Variants in PDE4D observed in about 807,000 individuals in gnomAD.
PDE4D encodes 3',5'-cyclic-AMP phosphodiesterase 4D.
Under a neutral mutation model 87.4 loss-of-function variants are expected in PDE4D, and 24 were observed. The observed-to-expected ratio is 0.27, with a 90% CI of 0.20 to 0.39. The LOEUF (loss-of-function observed/expected upper bound fraction) is 0.39. Among genes scored for constraint, PDE4D ranks in the 10% least tolerant of loss-of-function variants. The pLI, the probability that PDE4D is intolerant of heterozygous loss-of-function variation, is 1.00. For synonymous variants in PDE4D, 384 were observed against 383.2 expected, an observed-to-expected ratio of 1.00 and a Z score of -0.02; for missense variants, 714 against 1,041.0, an observed-to-expected ratio of 0.69 and a Z score of 4.32.
At chr5:60,477,451 A>G (rs772064810) in intron 1 of PDE4D, among the ~76,000 whole-genome samples, 1 of 151,932 alleles carries the variant, frequency 6.6e-6, no homozygotes, top group Non-Finnish European at 1.5e-5. Flanking sequence ...TAACCAGGTA[A>G]GTTGAGATTT....
intron 1 of PDE4D, among the ~76,000 whole-genome samples, chr5:59,440,340 C>A (rs572185651): frequency 6.6e-6 from 1 of 152,224 alleles, no homozygotes; most frequent in South Asian, 2.1e-4. Context: ...CAACAGAAAC[C>A]GGTGCTAACA....
intron 2 of PDE4D, among the ~76,000 whole-genome samples, chr5:60,060,359 A>G (rs552872735): frequency 2.9e-4 from 44 of 152,230 alleles, no homozygotes; most frequent in African/African-American, 1.0e-3. Context: ...TTGGTTATAA[A>G]GACACCTTTT....
At chr5:59,642,425 T>G (rs1489935057) in intron 1 of PDE4D, among the ~76,000 whole-genome samples, 3 of 152,234 alleles carry the variant, frequency 2.0e-5, no homozygotes, top group African/African-American at 7.2e-5. Context: ...TCATCTTGAA[T>G]TATACTCCCA....
At chr5:59,017,686 C>T (rs1266879034) in intron 6 of PDE4D, among the ~76,000 whole-genome samples, 1 of 152,112 alleles carries the variant, frequency 6.6e-6, no homozygotes, top group African/African-American at 2.4e-5. Flanking sequence ...TAGAATAGTC[C>T]AATAATTTGG....
At chr5:59,474,811 AAGTTTTATGCAAAAAAGTT>A (rs1803035407) in intron 1 of PDE4D, among the ~76,000 whole-genome samples, 4 of 152,126 alleles carry the variant, frequency 2.6e-5, no homozygotes, top group Admixed American at 2.6e-4. Context: ...AAGTCATAAA[AAGTTTTATGCAAAAAAGTT>A]AATTTTTTGC....
intron 1 of PDE4D, among the ~76,000 whole-genome samples, chr5:59,741,828 T>G (rs1213048346): frequency 6.6e-6 from 1 of 152,168 alleles, no homozygotes; most frequent in Non-Finnish European, 1.5e-5. Context: ...TAACTGTATG[T>G]CATCTAAGTT....
chr5:59,584,008 C>T (rs951919901), intron 1 of PDE4D, among the ~76,000 whole-genome samples: 4 of 152,182 alleles, frequency 2.6e-5, no homozygotes, highest in Non-Finnish European at 5.9e-5. Context: ...AACTTCTGAT[C>T]GGTCCCTTCA....
chr5:59,062,287 C>T (rs934108646), intron 5 of PDE4D, among the ~76,000 whole-genome samples: 5 of 152,018 alleles, frequency 3.3e-5, no homozygotes, highest in African/African-American at 4.8e-5. Flanking sequence ...TTCTCTAAAA[C>T]CAGTATTTAG....
intron 2 of PDE4D, among the ~76,000 whole-genome samples, chr5:60,032,285 A>C (rs1325562060): frequency 1.3e-5 from 2 of 152,188 alleles, no homozygotes; most frequent in African/African-American, 4.8e-5. Context: ...TGGTATGCTC[A>C]TTTAATTTGA....
At chr5:60,389,674 A>T (rs576741555) in intron 1 of PDE4D, among the ~76,000 whole-genome samples, 9 of 152,168 alleles carry the variant, frequency 5.9e-5, no homozygotes, top group Non-Finnish European at 1.2e-4. Context: ...TGACTCTCAC[A>T]CATGGCTGAC....
chr5:59,244,518 T>A (rs1758361815), intron 1 of PDE4D, among the ~76,000 whole-genome samples: 1 of 150,670 alleles, frequency 6.6e-6, no homozygotes, highest in South Asian at 2.1e-4. Flanking sequence ...CAGATGAATA[T>A]CAGGTAGGTC....
intron 2 of PDE4D, among the ~76,000 whole-genome samples, chr5:59,205,653 AACACAC>A (rs35509503): frequency 0.24 from 32,140 of 136,196 alleles, 3,610 homozygotes; most frequent in South Asian, 0.27. Context: ...CCACTAGCTA[AACACAC>A]ACACACACAC....
Position 60,039,826 on chromosome 5 carries a change from A to G in PDE4D, c.43-51109T>C, listed in dbSNP as rs151148525. 4.1e-3 allele frequency among the ~76,000 whole-genome samples: 624 copies of G among 152,234 alleles called. 1 individual carries two copies. Among genetic ancestry groups the G allele is most frequent in the African/African-American group, 0.014 (597 of 41,556 alleles). ...ATAGCCACCATCAGGAAATTCTGCTATTGTGCTAAGGTTCCTTTCTTTCTC... is the reference window on the plus strand; with the variant it reads ...ATAGCCACCATCAGGAAATTCTGCTGTTGTGCTAAGGTTCCTTTCTTTCTC... On this transcript the variant is annotated intron_variant, in intron 2 of 16. Transcript: ENST00000502484.
intron 1 of PDE4D, among the ~76,000 whole-genome samples, chr5:59,574,074 A>C (rs1343307066): frequency 6.2e-5 from 1 of 16,158 alleles, no homozygotes; most frequent in East Asian, 1.6e-3. Flanking sequence ...ATATATATTT[A>C]TATATATATT....
At chr5:59,736,748 A>G (rs541230258) in intron 1 of PDE4D, among the ~76,000 whole-genome samples, 2 of 152,320 alleles carry the variant, frequency 1.3e-5, no homozygotes, top group African/African-American at 4.8e-5. Context: ...AGAAGCAATC[A>G]GTTCCACAGA....
intron 1 of PDE4D, among the ~76,000 whole-genome samples, chr5:60,348,443 C>G (rs138430326): frequency 2.9e-4 from 44 of 150,786 alleles, no homozygotes; most frequent in African/African-American, 1.0e-3. Context: ...TCTGAGAACT[C>G]AAATTTTAAA....
intron 1 of PDE4D, among the ~76,000 whole-genome samples, chr5:60,218,078 T>G (rs767847634): frequency 4.8e-4 from 73 of 151,972 alleles, no homozygotes; most frequent in Non-Finnish European, 9.0e-4. Context: ...AGTAGATGTA[T>G]TCATCAAAAA....
At position 59,819,732 on chromosome 5, in the gene PDE4D, CA is replaced by C. The variant is rs565098349; in HGVS notation, c.455+73435del. Among the ~76,000 whole-genome samples, 34 of 152,282 alleles carry C rather than the reference CA, an allele frequency of 2.2e-4. No homozygotes were observed. The East Asian group carries it at 3.9e-3, about 17-fold the overall frequency. The stretch of plus-strand genomic sequence containing the variant: ...GAATTTTGAAAATGAGGTCCTTTAG[CA>C]AGACTATTTGGACAGTAGCTATCTT... On this transcript the variant is annotated intron_variant, in intron 1 of 14. Transcript: ENST00000340635.
At chr5:59,627,962 A>G (rs1357316172) in intron 1 of PDE4D, among the ~76,000 whole-genome samples, 1 of 152,164 alleles carries the variant, frequency 6.6e-6, no homozygotes, top group Non-Finnish European at 1.5e-5. Context: ...GTCCTTAAAG[A>G]CATGTTTCTC....
Sources: allele counts gnomAD v4.1 joint callset (sites outside exome capture counted in the v4.1 genomes callset), GRCh38; gene constraint gnomAD v4.1.1; transcripts MANE v1.5; gene names NCBI Gene and HGNC (gene_info 2026-07-23, HGNC 2026-07-21).